The following SLC16A10 variants were observed in gnomAD, a reference collection of about 807,000 sequenced individuals.
SLC16A10 encodes the protein solute carrier family 16 member 10.
SLC16A10 carries 27 observed loss-of-function variants against 40.0 expected under a neutral mutation model. That is an observed-to-expected ratio of 0.67 (90% CI 0.50 to 0.93). The LOEUF is 0.93. Ranked by LOEUF, SLC16A10 falls within the 40% of genes least tolerant of loss-of-function variation. The pLI, the probability that SLC16A10 is intolerant of heterozygous loss-of-function variation, is 0.00. For missense variants in SLC16A10, 529 were observed against 658.2 expected (o/e 0.80, Z 2.15); for synonymous variants, 213 against 249.8 (o/e 0.85, Z 1.39).
At chr6:111,200,959 C>T (rs1773158019) in intron 3 of SLC16A10, among the ~76,000 whole-genome samples, 1 of 152,142 alleles carries the variant, frequency 6.6e-6, no homozygotes, top group Non-Finnish European at 1.5e-5. Context: ...AACTTAGTGT[C>T]CGTATTGGAA....
At position 111,229,463 on chromosome 6, in the gene SLC16A10, T is replaced by G. The variant is rs879676938; in HGVS notation, c.*7228T>G. On this transcript the variant is annotated 3_prime_UTR_variant, in exon 6 of 6. Coordinates refer to ENST00000368851, the MANE Select transcript of SLC16A10 (RefSeq NM_018593.5). ...TGTTTCTAGCACAAAGTGAGGGATTTAAATATATTCTGTAACTTTGAGGCA... is the reference window on the plus strand; with the variant it reads ...TGTTTCTAGCACAAAGTGAGGGATTGAAATATATTCTGTAACTTTGAGGCA... The G allele has an allele frequency of 3.9e-5, 6 of 152,236 alleles. No homozygotes were observed. The highest frequency in any genetic ancestry group is 7.3e-5 in the Non-Finnish European group (5 of 68,042). The allele number at this position is 152,236 out of a possible 1,614,324, so 9.4% of individuals were successfully genotyped here.
At chr6:111,116,057 T>C (rs1771480921) in intron 1 of SLC16A10, among the ~76,000 whole-genome samples, 2 of 152,200 alleles carry the variant, frequency 1.3e-5, no homozygotes, top group Non-Finnish European at 2.9e-5. Context: ...TAAAATAATT[T>C]GGGCAAGACC....
chr6:111,165,071 G>C (rs918017786), intron 1 of SLC16A10, among the ~76,000 whole-genome samples: 5 of 152,186 alleles, frequency 3.3e-5, no homozygotes, highest in African/African-American at 1.2e-4. Context: ...AGAGGATCCA[G>C]TAGTTGTAAG....
chr6:111,199,794 GTTTA>G (rs59735603), intron 3 of SLC16A10, among the ~76,000 whole-genome samples: 114,984 of 149,676 alleles, frequency 0.77, 44,906 homozygotes, highest in Non-Finnish European at 0.85. Flanking sequence ...TAGATGGACT[GTTTA>G]TTTGTTTTGT....
chr6:111,159,269 A>G (rs1772329372), intron 1 of SLC16A10, among the ~76,000 whole-genome samples: 1 of 151,988 alleles, frequency 6.6e-6, no homozygotes, highest in Non-Finnish European at 1.5e-5. Context: ...GTATGTTAAT[A>G]CCAACATTTT....
chr6:111,198,772 T>C lies in SLC16A10; in HGVS notation c.943-7820T>C, dbSNP rs1054323588. 2.6e-5 allele frequency among the ~76,000 whole-genome samples: 4 copies of C among 152,228 alleles called. No individual in the cohort carries two copies. The South Asian group carries it at 6.2e-4, about 24-fold the overall frequency. On this transcript the variant is annotated intron_variant, in intron 3 of 5. Coordinates refer to ENST00000368851, the MANE Select transcript of SLC16A10 (RefSeq NM_018593.5). ...AGAGACTCCATAACCCACACCTACC[T>C]GTTCATTTGCATGCACATTTAGCCG... is the stretch of plus-strand genomic sequence containing the variant.
At chr6:111,174,266 G>A (rs1237949572) in intron 2 of SLC16A10, among the ~76,000 whole-genome samples, 6 of 152,034 alleles carry the variant, frequency 3.9e-5, no homozygotes, top group African/African-American at 1.2e-4. Flanking sequence ...GTTGAAAAGC[G>A]TTAATGTGGT....
chr6:111,177,731 A>T, intron 3 of SLC16A10, 66 bp downstream of exon 3: 1 of 1,405,586 alleles, frequency 7.1e-7, no homozygotes, highest in Non-Finnish European at 9.5e-7. Context: ...TTTGAAGAGA[A>T]AGTTAGGTCG....
At chr6:111,149,025 C>T (rs772507058) in intron 1 of SLC16A10, among the ~76,000 whole-genome samples, 1 of 152,118 alleles carries the variant, frequency 6.6e-6, no homozygotes, top group Non-Finnish European at 1.5e-5. Flanking sequence ...AGTCAGGACC[C>T]TTCTTCTCTA....
chr6:111,169,527 C>T (rs1012993694), intron 1 of SLC16A10, among the ~76,000 whole-genome samples: 4 of 152,196 alleles, frequency 2.6e-5, no homozygotes, highest in African/African-American at 9.6e-5. Context: ...TGGAAAGATC[C>T]GACAGCTAGG....
At chr6:111,194,391 T>C (rs1386856904) in intron 3 of SLC16A10, among the ~76,000 whole-genome samples, 1 of 152,164 alleles carries the variant, frequency 6.6e-6, no homozygotes, top group African/African-American at 2.4e-5. Context: ...ATTTTATAAT[T>C]ATCTAGAGTA....
At position 111,227,251 on chromosome 6, in the gene SLC16A10, C is replaced by T. The variant is rs1371210297; in HGVS notation, c.*5016C>T. ...CTGGAGCAAATAATAACAAGGTAGA[C>T]AAGCAGGCCCTGGGCTCACTATAAT... is the stretch of plus-strand genomic sequence containing the variant. On this transcript the variant is annotated 3_prime_UTR_variant, in exon 6 of 6. Transcript: ENST00000368851. The T allele has an allele frequency of 6.6e-6, 1 of 152,264 alleles. No homozygotes were observed. Among genetic ancestry groups the T allele is most frequent in the Admixed American group, 6.5e-5 (1 of 15,296 alleles). The allele number at this position is 152,264 out of a possible 1,614,324, so 9.4% of individuals were successfully genotyped here. A position where few individuals can be genotyped will look rare whatever the true frequency, so the allele number is the denominator to read the frequency against.
At chr6:111,208,676 G>T (rs957623417) in intron 4 of SLC16A10, among the ~76,000 whole-genome samples, 4 of 152,084 alleles carry the variant, frequency 2.6e-5, no homozygotes, top group African/African-American at 9.7e-5. Context: ...CATACTGAAT[G>T]ATTCCATTTA....
chr6:111,205,791 A>G (rs1420786842), intron 3 of SLC16A10, among the ~76,000 whole-genome samples: 1 of 152,216 alleles, frequency 6.6e-6, no homozygotes, highest in African/African-American at 2.4e-5. Context: ...CTAATGCTAC[A>G]CAGATAGGCA....
At chr6:111,112,105 C>T (rs1771398177) in intron 1 of SLC16A10, among the ~76,000 whole-genome samples, 1 of 152,114 alleles carries the variant, frequency 6.6e-6, no homozygotes, top group Non-Finnish European at 1.5e-5. Flanking sequence ...TCATGGCTCA[C>T]TATAGCCTCT....
intron 1 of SLC16A10, among the ~76,000 whole-genome samples, chr6:111,159,739 G>A (rs1772337391): frequency 6.6e-6 from 1 of 152,140 alleles, no homozygotes; most frequent in South Asian, 2.1e-4. Context: ...TTTCCAAAGT[G>A]TTTGTACTAT....
chr6:111,141,400 C>T (rs549376317), intron 1 of SLC16A10, among the ~76,000 whole-genome samples: 12 of 152,266 alleles, frequency 7.9e-5, no homozygotes, highest in South Asian at 2.1e-4. Flanking sequence ...CGATGCCTCA[C>T]GCCTGTAATC....
At chr6:111,119,729 C>A (rs1283849471) in intron 1 of SLC16A10, among the ~76,000 whole-genome samples, 1 of 152,188 alleles carries the variant, frequency 6.6e-6, no homozygotes, top group Admixed American at 6.5e-5. Flanking sequence ...TAAATGAGGT[C>A]ACAAGGGTGG....
chr6:111,192,636 G>A (rs1003667801), intron 3 of SLC16A10, among the ~76,000 whole-genome samples: 48 of 152,100 alleles, frequency 3.2e-4, no homozygotes, highest in African/African-American at 1.1e-3. Context: ...AGACATACCC[G>A]AAACTGGGCA....
Sources: allele counts gnomAD v4.1 joint callset (sites outside exome capture counted in the v4.1 genomes callset), GRCh38; gene constraint gnomAD v4.1.1; transcripts MANE v1.5; gene names NCBI Gene and HGNC (gene_info 2026-07-23, HGNC 2026-07-21).